HS3ST5: variants seen among roughly 807,000 people sequenced by gnomAD.
The protein encoded by HS3ST5 is heparan sulfate glucosamine 3-O-sulfotransferase 5.
HS3ST5 carries 10 observed loss-of-function variants against 25.4 expected under a neutral mutation model. The observed-to-expected ratio is 0.39, with a 90% CI of 0.24 to 0.67. HS3ST5 has a LOEUF of 0.67. Ranked by LOEUF, HS3ST5 falls within the 30% of genes least tolerant of loss-of-function variation. The pLI, the probability that HS3ST5 is intolerant of heterozygous loss-of-function variation, is 0.44. For missense variants in HS3ST5, 324 were observed against 420.7 expected (o/e 0.77, Z 2.01); for synonymous variants, 170 against 162.4 (o/e 1.05, Z -0.36).
intron 3 of HS3ST5, among the ~76,000 whole-genome samples, chr6:114,120,266 C>A (rs901291652): frequency 1.3e-5 from 2 of 152,130 alleles, no homozygotes; most frequent in African/African-American, 4.8e-5. Flanking sequence ...ATGACTGTAC[C>A]TTTACCTGAT....
At chr6:114,297,883 G>A (rs1774895745) in intron 1 of HS3ST5, among the ~76,000 whole-genome samples, 1 of 152,158 alleles carries the variant, frequency 6.6e-6, no homozygotes. Context: ...AATAGTAACT[G>A]GAACATGCTT....
At chr6:114,102,933 T>A (rs959528798) in intron 3 of HS3ST5, among the ~76,000 whole-genome samples, 2 of 152,162 alleles carry the variant, frequency 1.3e-5, no homozygotes, top group African/African-American at 4.8e-5. Flanking sequence ...TCCAGATGAC[T>A]TTAGTGACTG....
intron 3 of HS3ST5, among the ~76,000 whole-genome samples, chr6:114,167,907 C>T (rs530679631): frequency 1.3e-5 from 2 of 152,104 alleles, no homozygotes; most frequent in Admixed American, 6.5e-5. Flanking sequence ...GTTTGTTTGG[C>T]GTTCGAGAGT....
At chr6:114,110,794 TG>T (rs1445512797) in intron 3 of HS3ST5, among the ~76,000 whole-genome samples, 1 of 152,228 alleles carries the variant, frequency 6.6e-6, no homozygotes, top group Non-Finnish European at 1.5e-5. Context: ...AACTGCAACT[TG>T]TTTTTGCATA....
intron 3 of HS3ST5, among the ~76,000 whole-genome samples, chr6:114,165,499 A>T (rs946950927): frequency 1.3e-5 from 2 of 152,114 alleles, no homozygotes; most frequent in Admixed American, 6.6e-5. Flanking sequence ...TATTTACCAA[A>T]CTCACAACTA....
At chr6:114,221,275 C>T (rs1394421612) in intron 2 of HS3ST5, among the ~76,000 whole-genome samples, 2 of 151,796 alleles carry the variant, frequency 1.3e-5, no homozygotes, top group Non-Finnish European at 2.9e-5. Flanking sequence ...ACTATAATTA[C>T]CTACATTTTT....
At chr6:114,308,664 T>G (rs1287362667) in intron 1 of HS3ST5, among the ~76,000 whole-genome samples, 1 of 152,096 alleles carries the variant, frequency 6.6e-6, no homozygotes, top group Non-Finnish European at 1.5e-5. Flanking sequence ...GAATAGCTCT[T>G]TCACTGTTGA....
intron 1 of HS3ST5, among the ~76,000 whole-genome samples, chr6:114,298,844 G>A (rs184144789): frequency 1.4e-4 from 21 of 152,066 alleles, no homozygotes; most frequent in East Asian, 1.9e-4. Flanking sequence ...TCCTATGCCC[G>A]TCTTATCCTG....
At chr6:114,327,654 A>G (rs2114903687) in intron 1 of HS3ST5, among the ~76,000 whole-genome samples, 1 of 147,316 alleles carries the variant, frequency 6.8e-6, no homozygotes, top group African/African-American at 2.4e-5. Flanking sequence ...CCAGACATGC[A>G]ACATCATTTT....
chr6:114,316,861 G>A (rs1485913250), intron 1 of HS3ST5, among the ~76,000 whole-genome samples: 1 of 152,154 alleles, frequency 6.6e-6, no homozygotes, highest in Non-Finnish European at 1.5e-5. Flanking sequence ...CAATGTTTTA[G>A]ATTAGCTTCT....
At chr6:114,145,359 T>C (rs1350646358) in intron 3 of HS3ST5, among the ~76,000 whole-genome samples, 1 of 152,214 alleles carries the variant, frequency 6.6e-6, no homozygotes, top group Non-Finnish European at 1.5e-5. Context: ...AATGGTTTAG[T>C]GTGCTTCGAG....
At chr6:114,215,921 G>A (rs1289901023) in intron 2 of HS3ST5, among the ~76,000 whole-genome samples, 1 of 152,066 alleles carries the variant, frequency 6.6e-6, no homozygotes, top group Non-Finnish European at 1.5e-5. Flanking sequence ...CATTTTGGTG[G>A]GATCTAATTA....
chr6:114,331,440 G>A (rs1776390681), intron 1 of HS3ST5, among the ~76,000 whole-genome samples: 1 of 152,004 alleles, frequency 6.6e-6, no homozygotes, highest in Admixed American at 6.6e-5. Context: ...ATATTTTTAT[G>A]TACTTTAGAG....
intron 3 of HS3ST5, among the ~76,000 whole-genome samples, chr6:114,129,050 A>G (rs1316371835): frequency 6.6e-6 from 1 of 152,162 alleles, no homozygotes; most frequent in Non-Finnish European, 1.5e-5. Context: ...TTAAACAGAG[A>G]CTGTAATAGT....
chr6:114,139,488 C>T (rs899131817), intron 3 of HS3ST5, among the ~76,000 whole-genome samples: 2 of 152,030 alleles, frequency 1.3e-5, no homozygotes, highest in African/African-American at 4.8e-5. Flanking sequence ...TTATCTGATT[C>T]TACTCTATAT....
chr6:114,297,133 G>T (rs894093650), intron 1 of HS3ST5, among the ~76,000 whole-genome samples: 1 of 152,038 alleles, frequency 6.6e-6, no homozygotes, highest in Admixed American at 6.6e-5. Context: ...AGAGGCTAAC[G>T]GACTTCCCCC....
chr6:114,242,864 A>AG (rs1562250064), intron 1 of HS3ST5, among the ~76,000 whole-genome samples: 2 of 151,434 alleles, frequency 1.3e-5, no homozygotes, highest in African/African-American at 4.8e-5. Flanking sequence ...CGTCTCAAAA[A>AG]AAAAAAAAAA....
At chr6:114,341,398 T>C (rs928452334) in intron 1 of HS3ST5, among the ~76,000 whole-genome samples, 1 of 152,104 alleles carries the variant, frequency 6.6e-6, no homozygotes, top group Non-Finnish European at 1.5e-5. Context: ...CGGAGTTGTT[T>C]GTTTGCTGGG....
intron 1 of HS3ST5, among the ~76,000 whole-genome samples, chr6:114,266,092 A>C (rs1391354492): frequency 6.6e-6 from 1 of 151,798 alleles, no homozygotes; most frequent in African/African-American, 2.4e-5. Context: ...TTCATCACAC[A>C]CTCTGCTTTA....
Sources: allele counts gnomAD v4.1 joint callset (sites outside exome capture counted in the v4.1 genomes callset), GRCh38; gene constraint gnomAD v4.1.1; transcripts MANE v1.5; gene names NCBI Gene and HGNC (gene_info 2026-07-23, HGNC 2026-07-21).